Variants in RC3H1 observed in about 807,000 individuals in gnomAD.
RC3H1 encodes the protein ring finger and CCCH-type domains 1.
RC3H1 carries 50 observed loss-of-function variants against 138.2 expected under a neutral mutation model. The observed-to-expected ratio is 0.36, with a 90% CI of 0.29 to 0.46. The LOEUF is 0.46. RC3H1 is among the 20% of genes least tolerant of loss of function. RC3H1 has a pLI of 1.00. For missense variants in RC3H1, 1,031 were observed against 1,388.1 expected (o/e 0.74, Z 4.09); for synonymous variants, 462 against 489.1 (o/e 0.94, Z 0.73).
intron 3 of RC3H1, 147 bp downstream of exon 3, chr1:173,984,352 A>G: frequency 1.6e-6 from 1 of 617,314 alleles, no homozygotes; most frequent in Non-Finnish European, 2.6e-6. Flanking sequence ...AAGTCTCTTT[A>G]GTAGACATTT....
At chr1:174,010,756 T>C (rs1231359136) in intron 1 of RC3H1, among the ~76,000 whole-genome samples, 1 of 152,104 alleles carries the variant, frequency 6.6e-6, no homozygotes, top group Non-Finnish European at 1.5e-5. Context: ...TCTACCTTCC[T>C]CACAGCTGAT....
rs535253427 is a variant in RC3H1, at chr1:173,964,876, G to A, written c.1579C>T (p.His527Tyr). 3.3e-5 allele frequency: 53 copies of A among 1,614,128 alleles called. No individual in the cohort carries two copies. In the East Asian group the frequency reaches 1.0e-3, roughly 31 times the overall value. Residue 527 changes from histidine to tyrosine, a missense_variant, in exon 10 of 20, where the codon CAT becomes TAT. Physicochemically the swap from His to Tyr is moderately conservative, Grantham distance 83. Around this residue, in one of 7 missense-constraint regions of RC3H1, gnomAD observed 716 missense variants for 837.9 expected, o/e 0.85. Coordinates refer to ENST00000367696, the MANE Select transcript of RC3H1 (RefSeq NM_172071.4). ...GATCCAGGAGCACTACTGCTCAGAT[G>A]ATCTATTTTTCCTGGTTTCAGACTA... ...DSSLKPGKID[H>Y]LSSSAPGSPP...
intron 1 of RC3H1, 139 bp from the exon 2 acceptor site, chr1:173,993,274 A>G (rs1202437247): frequency 2.4e-5 from 9 of 369,602 alleles, no homozygotes; most frequent in Non-Finnish European, 4.5e-5. Flanking sequence ...TTACACTTTT[A>G]CAGAATTAGA....
chr1:173,957,945 CA>C (rs1292173331), intron 13 of RC3H1, among the ~76,000 whole-genome samples: 1 of 152,092 alleles, frequency 6.6e-6, no homozygotes, highest in African/African-American at 2.4e-5. Flanking sequence ...AAAACTCATC[CA>C]AAGTGTTTAG....
chr1:173,970,590 A>G lies in RC3H1; in HGVS notation c.1249T>C (p.Tyr417His). ...CTCTGCTTCATATCTCGACACATGT[A>G]TGTTTTGTATTTGCTATGCTGTGGA... ...QPPQHSKYKT[Y>H]MCRDMKQRGG... The change falls in exon 9 of 20, where the codon TAC becomes CAC. Residue 417 changes from tyrosine to histidine, a missense_variant. This residue lies in a region of RC3H1 where 142 missense variants were observed against 224.6 expected (regional missense o/e 0.63). Transcript: ENST00000367696. 1 of 1,613,874 alleles carries G rather than the reference A, an allele frequency of 6.2e-7. No homozygotes were observed. The highest frequency in any genetic ancestry group is 8.5e-7 in the Non-Finnish European group (1 of 1,179,882).
chr1:173,997,376 T>C lies in RC3H1; in HGVS notation c.-150-4241A>G, dbSNP rs574306811. On this transcript the variant is annotated intron_variant, in intron 1 of 19. Transcript: ENST00000367696. ...AGAGTACAATTTAAGCTTCTTAAGA[T>C]AATCACTCTAAAACGATTCAAAACA... 3.9e-5 allele frequency among the ~76,000 whole-genome samples: 6 copies of C among 152,314 alleles called. No individual in the cohort carries two copies. In the South Asian group the frequency reaches 1.2e-3, roughly 32 times the overall value.
At chr1:173,954,981 C>CT (rs1659569539) in intron 13 of RC3H1, among the ~76,000 whole-genome samples, 1 of 151,884 alleles carries the variant, frequency 6.6e-6, no homozygotes, top group Non-Finnish European at 1.5e-5. Flanking sequence ...AATCCCAGCA[C>CT]TTTGGGAGGC....
intron 1 of RC3H1, among the ~76,000 whole-genome samples, chr1:173,998,409 C>G (rs373974608): frequency 6.6e-6 from 1 of 152,122 alleles, no homozygotes; most frequent in African/African-American, 2.4e-5. Context: ...ACAAAAATGA[C>G]GAGATTTTAC....
intron 6 of RC3H1, among the ~76,000 whole-genome samples, chr1:173,979,830 T>G (rs1287703470): frequency 6.6e-6 from 1 of 152,176 alleles, no homozygotes; most frequent in Non-Finnish European, 1.5e-5. Context: ...GTTAAAGGTA[T>G]CCAGGGAAGA....
rs1660373085 is a variant in RC3H1, at chr1:173,971,875, T to TCA, written c.1221+632_1221+633dup. On this transcript the variant is annotated intron_variant, in intron 8 of 19. Transcript: ENST00000367696. ...ACCAGGTAAATTAAGAGTTTTACGT[T>TCA]CACAGGCTTACTACTGCAAAATAAA... Among the ~76,000 whole-genome samples the TCA allele has an allele frequency of 1.3e-5, 2 of 152,176 alleles. 1 individual carries two copies. The highest frequency in any genetic ancestry group is 1.3e-4 in the Admixed American group (2 of 15,272).
intron 1 of RC3H1, among the ~76,000 whole-genome samples, chr1:174,008,121 T>TA (rs1423195281): frequency 6.6e-6 from 1 of 152,230 alleles, no homozygotes; most frequent in Non-Finnish European, 1.5e-5. Flanking sequence ...CATCATGTTC[T>TA]GACTAATTCT....
Position 173,946,835 on chromosome 1 carries a change from A to G in RC3H1, c.2739T>C (p.Asp913=). 3.8e-6 allele frequency: 6 copies of G among 1,581,808 alleles called. No homozygotes were observed. The highest frequency in any genetic ancestry group is 1.1e-5 in the South Asian group (1 of 90,392). ...GAPTKSINIS[D]YSPYGTHGGW... is the part of the protein sequence containing the mutation. ...CACCGTGGGTTCCATATGGACTATA[A>G]TCTGTAAGAGAATGATTTATTATGG... is the stretch of plus-strand genomic sequence containing the variant. The change falls in exon 16 of 20, where the codon GAT becomes GAC. Residue 913 remains aspartate, a splice_region_variant and synonymous_variant. Transcript: ENST00000367696.
Position 173,993,074 on chromosome 1 carries a change from TTATC to T in RC3H1, c.-93_-90del, listed in dbSNP as rs980501794. 1.7e-5 allele frequency: 16 copies of T among 955,048 alleles called. No homozygotes were observed. The Admixed American group carries it at 3.6e-4, about 22-fold the overall frequency. The allele number at this position is 955,048 out of a possible 1,614,324, so 59.2% of individuals were successfully genotyped here. ...GGAATCAAAATCTTTGAAAAAAAGT[TTATC>T]TTTTTTTTTTTTAAATATCTTCTGT... On this transcript the variant is annotated 5_prime_UTR_variant, in exon 2 of 20. Transcript: ENST00000367696.
chr1:173,963,305 G>C (rs1309938163), intron 11 of RC3H1, among the ~76,000 whole-genome samples: 1 of 151,702 alleles, frequency 6.6e-6, no homozygotes, highest in Non-Finnish European at 1.5e-5. Flanking sequence ...AATACCTCTA[G>C]GGCATTTCTT....
chr1:173,987,108 T>C (rs934848024), intron 2 of RC3H1, among the ~76,000 whole-genome samples: 7 of 152,322 alleles, frequency 4.6e-5, no homozygotes, highest in Non-Finnish European at 2.9e-5. Context: ...CAACTTATTA[T>C]TGCTGATGTT....
chr1:174,021,818 C>G (rs1407718548), intron 1 of RC3H1, among the ~76,000 whole-genome samples: 1 of 152,244 alleles, frequency 6.6e-6, no homozygotes, highest in Non-Finnish European at 1.5e-5. Flanking sequence ...TCCCTCTCGT[C>G]CGAGCCTCCC....
In RC3H1 at chr1:173,931,385, G is replaced by A. The variant is rs1277474639; in HGVS notation, c.*7336C>T. 10 of 152,294 alleles carry A rather than the reference G, an allele frequency of 6.6e-5. No homozygotes were observed. The highest frequency in any genetic ancestry group is 3.9e-4 in the East Asian group (2 of 5,194). The allele number at this position is 152,294 out of a possible 1,614,324, so 9.4% of individuals were successfully genotyped here. On this transcript the variant is annotated 3_prime_UTR_variant, in exon 20 of 20. Coordinates refer to ENST00000367696, the MANE Select transcript of RC3H1 (RefSeq NM_172071.4). ...CTTAAACACTAATTAGGAGCAACAT[G>A]AGGCTGAGTCAGTTTCCAAGGTAAT...
At chr1:173,984,951 C>A (rs1346803574) in intron 2 of RC3H1, among the ~76,000 whole-genome samples, 1 of 152,136 alleles carries the variant, frequency 6.6e-6, no homozygotes, top group Non-Finnish European at 1.5e-5. Flanking sequence ...AAACACAGTA[C>A]CCTTTTAACA....
rs113516584 is a variant in RC3H1, at chr1:174,007,081, T to C, written c.-150-13946A>G. Among the ~76,000 whole-genome samples, 604 of 152,172 alleles carry C rather than the reference T, an allele frequency of 4.0e-3. 4 individuals carry two copies. The highest frequency in any genetic ancestry group is 0.013 in the African/African-American group (523 of 41,540). ...CAACTCCTAACACAATAGGTTAGTT[T>C]TGCCCGGTTTAAAATTCTATATAAC... On this transcript the variant is annotated intron_variant, in intron 1 of 19. Transcript: ENST00000367696.
Sources: gnomAD v4.1 joint callset for allele counts (sites outside exome capture counted in the v4.1 genomes callset) on GRCh38, gnomAD v4.1.1 for gene constraint, gnomAD v4.1.1 regional missense constraint, MANE v1.5 for transcripts, NCBI Gene and HGNC (gene_info 2026-07-23, HGNC 2026-07-21) for gene names.